GABBR2: variants seen among roughly 807,000 people sequenced by gnomAD.
GABBR2 encodes G-protein coupled receptor 51.
In GABBR2, 23 loss-of-function variants were observed where a neutral mutation model predicts 105.6. The ratio of observed to expected loss-of-function variants is 0.22; its 90% CI spans 0.16 to 0.31. The LOEUF (loss-of-function observed/expected upper bound fraction) is 0.31, where lower values mean the gene tolerates loss of function less well. GABBR2 is among the 10% of genes least tolerant of loss of function. The pLI, the probability that GABBR2 is intolerant of heterozygous loss-of-function variation, is 1.00. For synonymous variants in GABBR2, 478 were observed against 499.7 expected (o/e 0.96, Z 0.58); for missense variants, 734 against 1,245.5 (o/e 0.59, Z 6.18).
intron 1 of GABBR2, among the ~76,000 whole-genome samples, chr9:98,681,086 T>C (rs889162042): frequency 6.6e-6 from 1 of 151,164 alleles, no homozygotes; most frequent in African/African-American, 2.4e-5. Flanking sequence ...GCCATCCCAT[T>C]ACTGGGTATA....
intron 13 of GABBR2, among the ~76,000 whole-genome samples, chr9:98,353,833 G>C (rs928204904): frequency 2.6e-5 from 4 of 152,010 alleles, no homozygotes; most frequent in African/African-American, 9.7e-5. Context: ...ATTCCCCCAT[G>C]CTGTTCTCAT....
intron 1 of GABBR2, among the ~76,000 whole-genome samples, chr9:98,594,271 T>G (rs1999499): frequency 2.0e-5 from 3 of 152,078 alleles, no homozygotes; most frequent in Admixed American, 6.6e-5. Flanking sequence ...CCAGGACTCA[T>G]TTCTGGCCCG....
chr9:98,435,105 C>T (rs188932045), intron 7 of GABBR2, among the ~76,000 whole-genome samples: 29 of 152,256 alleles, frequency 1.9e-4, no homozygotes, highest in East Asian at 1.3e-3. Flanking sequence ...GTTTTTAATG[C>T]GCATTTGCCA....
chr9:98,467,072 A>G lies in GABBR2; in HGVS notation c.999+6074T>C, dbSNP rs535988416. On this transcript the variant is annotated intron_variant, in intron 6 of 18. Coordinates refer to ENST00000259455, the MANE Select transcript of GABBR2 (RefSeq NM_005458.8). Reference sequence around the variant, plus strand: ...AATAGAGCCTTTCTAGAAGTCCCACATAACACTTCTACTTATATCTCATTG... The same window carrying G: ...AATAGAGCCTTTCTAGAAGTCCCACGTAACACTTCTACTTATATCTCATTG... 3.9e-5 allele frequency among the ~76,000 whole-genome samples: 6 copies of G among 152,376 alleles called. No individual in the cohort carries two copies. In the South Asian group the frequency reaches 1.0e-3, roughly 26 times the overall value.
At chr9:98,617,026 T>C (rs763790064) in intron 1 of GABBR2, among the ~76,000 whole-genome samples, 1 of 152,220 alleles carries the variant, frequency 6.6e-6, no homozygotes, top group Non-Finnish European at 1.5e-5. Context: ...AGGTACTGCA[T>C]GTCAGTTCTA....
chr9:98,414,209 C>A (rs1257520366), intron 7 of GABBR2, among the ~76,000 whole-genome samples: 1 of 152,172 alleles, frequency 6.6e-6, no homozygotes, highest in Non-Finnish European at 1.5e-5. Context: ...TACAGGAAGA[C>A]CCTAATTTAG....
At chr9:98,695,863 GA>G (rs749672982) in intron 1 of GABBR2, among the ~76,000 whole-genome samples, 5 of 152,124 alleles carry the variant, frequency 3.3e-5, no homozygotes, top group Non-Finnish European at 7.4e-5. Context: ...CACAGGCACT[GA>G]AAAACAAACT....
chr9:98,311,432 T>A (rs1263774777), intron 13 of GABBR2, among the ~76,000 whole-genome samples: 4 of 152,236 alleles, frequency 2.6e-5, no homozygotes. Context: ...TCCAGTTCTC[T>A]GCATAATTCA....
chr9:98,565,893 C>A (rs1466570634), intron 2 of GABBR2, among the ~76,000 whole-genome samples: 1 of 152,228 alleles, frequency 6.6e-6, no homozygotes, highest in African/African-American at 2.4e-5. Flanking sequence ...CAGGTGAGCA[C>A]CACACACCTT....
chr9:98,632,473 A>T (rs1215455072), intron 1 of GABBR2, among the ~76,000 whole-genome samples: 1 of 152,172 alleles, frequency 6.6e-6, no homozygotes, highest in Non-Finnish European at 1.5e-5. Context: ...CTCCTCCTGG[A>T]CCTGAGCAGA....
intron 2 of GABBR2, among the ~76,000 whole-genome samples, chr9:98,544,165 C>T (rs1828360593): frequency 6.6e-6 from 1 of 152,156 alleles, no homozygotes; most frequent in African/African-American, 2.4e-5. Context: ...GGATTTGATC[C>T]ATCCTAGGTT....
chr9:98,573,389 C>T (rs551495890), intron 2 of GABBR2, among the ~76,000 whole-genome samples: 1 of 152,236 alleles, frequency 6.6e-6, no homozygotes, highest in South Asian at 2.1e-4. Flanking sequence ...CTTGAGCAAT[C>T]CACCCACTTC....
At chr9:98,656,021 A>G (rs1830178667) in intron 1 of GABBR2, among the ~76,000 whole-genome samples, 1 of 152,220 alleles carries the variant, frequency 6.6e-6, no homozygotes, top group Non-Finnish European at 1.5e-5. Context: ...TAGCTAACGC[A>G]AAGCCACTGG....
At position 98,306,358 on chromosome 9, in the gene GABBR2, A is replaced by C. The variant is rs1447734697; in HGVS notation, c.2005-13T>G. On this transcript the variant is annotated splice_polypyrimidine_tract_variant and intron_variant, in intron 14 of 18. Coordinates refer to ENST00000259455, the MANE Select transcript of GABBR2 (RefSeq NM_005458.8). This position sits in a 1 kb window ranked among gnomAD's most constrained non-coding sequence, Gnocchi z 5.4. ...AACAACCGAACAACTGAAATGGTGA[A>C]CAGAAAGGGGAGAGATGATCGTTAC... 2 of 1,593,262 alleles carry C rather than the reference A, an allele frequency of 1.3e-6. No individual in the cohort carries two copies. The highest frequency in any genetic ancestry group is 1.7e-6 in the Non-Finnish European group (2 of 1,161,998).
At chr9:98,456,635 G>T (rs573743508) in intron 6 of GABBR2, among the ~76,000 whole-genome samples, 1 of 152,158 alleles carries the variant, frequency 6.6e-6, no homozygotes, top group African/African-American at 2.4e-5. Flanking sequence ...AAACACAGGA[G>T]CACACCTATT....
chr9:98,626,034 G>C (rs761563635), intron 1 of GABBR2, among the ~76,000 whole-genome samples: 3 of 152,202 alleles, frequency 2.0e-5, no homozygotes, highest in African/African-American at 4.8e-5. Context: ...AACAATAGAG[G>C]GGAGAGCTCC....
At chr9:98,697,287 G>T (rs1439023065) in intron 1 of GABBR2, among the ~76,000 whole-genome samples, 1 of 152,108 alleles carries the variant, frequency 6.6e-6, no homozygotes, top group South Asian at 2.1e-4. Flanking sequence ...GTCAGGAGAT[G>T]GAGACCATCC....
intron 4 of GABBR2, among the ~76,000 whole-genome samples, chr9:98,494,543 T>G (rs1401388184): frequency 6.6e-6 from 1 of 152,142 alleles, no homozygotes; most frequent in African/African-American, 2.4e-5. Flanking sequence ...GCCATGACAT[T>G]GCCCAGACCT....
chr9:98,542,095 G>A (rs769702160), intron 2 of GABBR2, 52 bp from the exon 3 acceptor site: 18 of 1,492,370 alleles, frequency 1.2e-5, no homozygotes, highest in Middle Eastern at 3.4e-4. Context: ...TCACAGCTGT[G>A]ACCCAGCATC....
Sources: allele counts gnomAD v4.1 joint callset (sites outside exome capture counted in the v4.1 genomes callset), GRCh38; gene constraint gnomAD v4.1.1; non-coding constraint Gnocchi (gnomAD v3.1); transcripts MANE v1.5; gene names NCBI Gene and HGNC (gene_info 2026-07-23, HGNC 2026-07-21).